LONP2: variants seen among roughly 807,000 people sequenced by gnomAD.
LONP2 encodes the protein lon peptidase 2, peroxisomal.
In LONP2, 60 loss-of-function variants were observed where a neutral mutation model predicts 85.6. The observed-to-expected ratio is 0.70, with a 90% CI of 0.57 to 0.87. LONP2 has a LOEUF of 0.87. Ranked by LOEUF, LONP2 falls within the 40% of genes least tolerant of loss-of-function variation. The pLI is 0.00. For missense variants in LONP2, 860 were observed against 1,063.5 expected (o/e 0.81, Z 2.66); for synonymous variants, 395 against 389.7 (o/e 1.01, Z -0.16).
chr16:48,251,506 G>A lies in LONP2; in HGVS notation c.234-625G>A, dbSNP rs1391338128. On this transcript the variant is annotated intron_variant, in intron 1 of 14. Coordinates refer to ENST00000285737, the MANE Select transcript of LONP2 (RefSeq NM_031490.5). The stretch of plus-strand genomic sequence containing the variant: ...TTAGAACTAGGTTGAGACCTTTTGA[G>A]ATGTGGGTCTTTCTTTAGCTCTCCT... Among the ~76,000 whole-genome samples, 4 of 152,184 alleles carry A rather than the reference G, an allele frequency of 2.6e-5. No homozygotes were observed. In the East Asian group the frequency reaches 7.7e-4, roughly 29 times the overall value.
chr16:48,269,174 C>G (rs1207662027), intron 6 of LONP2, among the ~76,000 whole-genome samples: 2 of 148,910 alleles, frequency 1.3e-5, no homozygotes, highest in African/African-American at 4.9e-5. Flanking sequence ...TTCTGTGTGG[C>G]AATTAGGCAA....
At chr16:48,324,048 AG>A (rs1212687139) in intron 11 of LONP2, among the ~76,000 whole-genome samples, 1 of 152,250 alleles carries the variant, frequency 6.6e-6, no homozygotes, top group Non-Finnish European at 1.5e-5. Context: ...CTGAAATGAC[AG>A]CACGAATTAT....
At chr16:48,313,394 A>G (rs981638421) in intron 11 of LONP2, among the ~76,000 whole-genome samples, 3 of 152,048 alleles carry the variant, frequency 2.0e-5, no homozygotes, top group African/African-American at 7.3e-5. Flanking sequence ...AACATGTGCC[A>G]TGGTGGTTTG....
At chr16:48,289,888 A>G (rs909047591) in intron 8 of LONP2, among the ~76,000 whole-genome samples, 1 of 152,190 alleles carries the variant, frequency 6.6e-6, no homozygotes, top group Non-Finnish European at 1.5e-5. Context: ...TCATTTTGTT[A>G]TTATGCATCA....
At chr16:48,318,621 T>G (rs1046429706) in intron 11 of LONP2, among the ~76,000 whole-genome samples, 7 of 152,334 alleles carry the variant, frequency 4.6e-5, no homozygotes, top group Middle Eastern at 3.4e-3. Flanking sequence ...TACCACACCT[T>G]TAACTATTGG....
chr16:48,313,197 TG>T (rs373078179), intron 11 of LONP2, among the ~76,000 whole-genome samples: 2 of 152,328 alleles, frequency 1.3e-5, no homozygotes, highest in African/African-American at 4.8e-5. Flanking sequence ...TAAAAACTCC[TG>T]GGGCATTTTT....
intron 8 of LONP2, among the ~76,000 whole-genome samples, chr16:48,286,073 G>A (rs1972434580): frequency 6.6e-6 from 1 of 150,518 alleles, no homozygotes; most frequent in Non-Finnish European, 1.5e-5. Flanking sequence ...ACTTCACTTA[G>A]TTTCCTCAAA....
At chr16:48,336,478 T>C (rs1010730060) in intron 12 of LONP2, 7 of 455,510 alleles carry the variant, frequency 1.5e-5, no homozygotes, top group African/African-American at 1.4e-4. Context: ...GCAACAAGGC[T>C]GTTATTTCAC....
At chr16:48,346,918 A>T (rs999666953) in intron 12 of LONP2, among the ~76,000 whole-genome samples, 3 of 152,022 alleles carry the variant, frequency 2.0e-5, no homozygotes, top group African/African-American at 7.2e-5. Flanking sequence ...TGGGAGGCTG[A>T]GGCAGGCAGA....
At chr16:48,276,535 CT>C (rs1489934307) in intron 7 of LONP2, among the ~76,000 whole-genome samples, 1 of 152,050 alleles carries the variant, frequency 6.6e-6, no homozygotes, top group African/African-American at 2.4e-5. Context: ...AAAAAGACAC[CT>C]TTTTTGGTTT....
rs374070722 is a variant in LONP2, at chr16:48,279,001, T to G, written c.1383+1522T>G. Among the ~76,000 whole-genome samples the G allele has an allele frequency of 5.3e-5, 8 of 152,278 alleles. No homozygotes were observed. The South Asian group carries it at 1.7e-3, about 32-fold the overall frequency. On this transcript the variant is annotated intron_variant, in intron 8 of 14. Transcript: ENST00000285737. ...CCTCTGAATTTATTATTTCAAAAACTTTCTCTGCATGTTCTTTTATAGTAT... is the reference window on the plus strand; with the variant it reads ...CCTCTGAATTTATTATTTCAAAAACGTTCTCTGCATGTTCTTTTATAGTAT...
At chr16:48,300,680 G>A (rs1410916280) in intron 10 of LONP2, among the ~76,000 whole-genome samples, 1 of 146,250 alleles carries the variant, frequency 6.8e-6, no homozygotes, top group Non-Finnish European at 1.5e-5. Flanking sequence ...TATATACAAA[G>A]CAGTAAGACT....
intron 8 of LONP2, among the ~76,000 whole-genome samples, chr16:48,287,908 A>C (rs1972480822): frequency 6.6e-6 from 1 of 152,122 alleles, no homozygotes; most frequent in Admixed American, 6.5e-5. Context: ...ACCATTATAT[A>C]ATAGAAGTGC....
chr16:48,334,770 T>C, intron 12 of LONP2: 1 of 553,848 alleles, frequency 1.8e-6, no homozygotes, highest in South Asian at 1.4e-5. Flanking sequence ...TCTTGAATTT[T>C]GGCTTTGACA....
At chr16:48,290,027 G>A (rs1240849552) in intron 8 of LONP2, among the ~76,000 whole-genome samples, 2 of 152,100 alleles carry the variant, frequency 1.3e-5, no homozygotes, top group Admixed American at 1.3e-4. Flanking sequence ...CACAGGAGGA[G>A]GAATCTAAAT....
chr16:48,274,518 G>C (rs1972166996), intron 7 of LONP2, among the ~76,000 whole-genome samples: 1 of 152,072 alleles, frequency 6.6e-6, no homozygotes, highest in South Asian at 2.1e-4. Context: ...ATGACTACCA[G>C]AAGAATAATT....
At chr16:48,358,101 T>G (rs1960441609), downstream of LONP2, among the ~76,000 whole-genome samples, 1 of 152,140 alleles carries the variant, frequency 6.6e-6, no homozygotes, top group Non-Finnish European at 1.5e-5. Flanking sequence ...GACCAAGAAA[T>G]ATGGCTATAG....
chr16:48,284,678 T>C (rs373200706), intron 8 of LONP2, among the ~76,000 whole-genome samples: 2 of 152,310 alleles, frequency 1.3e-5, no homozygotes, highest in East Asian at 3.9e-4. Flanking sequence ...AACATAACTT[T>C]TATATGCACT....
Position 48,347,536 on chromosome 16 carries a change from A to C in LONP2, c.1968A>C (p.Val656=), listed in dbSNP as rs551053094. Residue 656 remains valine (V), a synonymous_variant, in exon 13 of 15, where the codon GTA becomes GTC. Coordinates refer to ENST00000285737, the MANE Select transcript of LONP2 (RefSeq NM_031490.5). ...CTCAGCGTTTGAGTCAGCCAGGAGT[A>C]GCAATAGGTTTGGCTTGGACTCCCT... ...EVSQRLSQPG[V]AIGLAWTPLG... is the part of the protein sequence containing the mutation. 20 of 1,614,240 alleles carry C rather than the reference A, an allele frequency of 1.2e-5. No individual in the cohort carries two copies. In the African/African-American group the frequency reaches 2.4e-4, roughly 19 times the overall value.
Sources: gnomAD v4.1 joint callset for allele counts (sites outside exome capture counted in the v4.1 genomes callset) on GRCh38, gnomAD v4.1.1 for gene constraint, MANE v1.5 for transcripts, NCBI Gene and HGNC (gene_info 2026-07-23, HGNC 2026-07-21) for gene names.